The following NTMT1 variants were observed in gnomAD, a reference collection of about 807,000 sequenced individuals.
NTMT1 encodes N-terminal RCC1 methyltransferase.
A neutral mutation model predicts 17.5 loss-of-function variants in NTMT1; 8 were observed. The observed-to-expected ratio is 0.46, with a 90% CI of 0.27 to 0.82. The LOEUF is 0.82. Among genes scored for constraint, NTMT1 ranks in the 40% least tolerant of loss-of-function variants. The pLI, the probability that NTMT1 is intolerant of heterozygous loss-of-function variation, is 0.15. For missense variants in NTMT1, 221 were observed against 303.5 expected, an observed-to-expected ratio of 0.73 and a Z score of 2.02; for synonymous variants, 128 against 126.8, an observed-to-expected ratio of 1.01 and a Z score of -0.06.
chr9:129,631,082 G>A (rs1448851518), intron 1 of NTMT1, among the ~76,000 whole-genome samples: 2 of 152,168 alleles, frequency 1.3e-5, no homozygotes, highest in Non-Finnish European at 2.9e-5. Context: ...GGCCCATGCT[G>A]TCCCACGGCT....
At chr9:129,629,416 T>C (rs1283407565) in intron 1 of NTMT1, among the ~76,000 whole-genome samples, 5 of 151,568 alleles carry the variant, frequency 3.3e-5, no homozygotes, top group Admixed American at 2.0e-4. Context: ...TTTGACACAA[T>C]GTCTCACTCT....
At position 129,634,124 on chromosome 9, in the gene NTMT1, G is replaced by A. The variant is rs780495439; in HGVS notation, c.233G>A (p.Arg78Gln). ...GCTGGCATTGGGAGGATCACCAAGCGGCTGCTCCTGCCGCTGTTCAGAGAG... is the reference window on the plus strand; with the variant it reads ...GCTGGCATTGGGAGGATCACCAAGCAGCTGCTCCTGCCGCTGTTCAGAGAG... ...CGAGIGRITKRLLLPLFREVD... is the reference protein window; with the variant it reads ...CGAGIGRITKQLLLPLFREVD... Residue 78 changes from arginine (R) to glutamine (Q), a missense_variant, in exon 3 of 4, where the codon CGG becomes CAG. Arg to Gln is a conservative substitution (Grantham distance 43). Coordinates refer to ENST00000372483, the MANE Select transcript of NTMT1 (RefSeq NM_014064.4). The A allele has an allele frequency of 1.7e-5, 27 of 1,613,950 alleles. No homozygotes were observed. In the East Asian group the frequency reaches 1.8e-4, roughly 11 times the overall value.
At chr9:129,621,434 G>A (rs542656132), upstream of NTMT1, among the ~76,000 whole-genome samples, 30 of 152,338 alleles carry the variant, frequency 2.0e-4, no homozygotes, top group East Asian at 5.8e-3. Flanking sequence ...ATAGCTCACT[G>A]CAGCCTCAAA....
intron 1 of NTMT1, among the ~76,000 whole-genome samples, chr9:129,627,781 G>C (rs764498270): frequency 4.6e-5 from 7 of 152,234 alleles, no homozygotes; most frequent in Non-Finnish European, 1.0e-4. Context: ...CAAAGATCCA[G>C]GGAGGATGGA....
At position 129,635,578 on chromosome 9, in the gene NTMT1, A is replaced by G. The variant is rs1012436994; in HGVS notation, c.*114A>G. 5.6e-5 allele frequency: 70 copies of G among 1,255,460 alleles called. No homozygotes were observed. The highest frequency in any genetic ancestry group is 7.4e-5 in the Non-Finnish European group (67 of 904,918). The allele number at this position is 1,255,460 out of a possible 1,614,324, so 77.8% of individuals were successfully genotyped here. The stretch of plus-strand genomic sequence containing the variant: ...CGTGAGTGTCGAGGCACCACTAAAT[A>G]TAGCTGTCTGCCGTCCACTCATTAT... On this transcript the variant is annotated 3_prime_UTR_variant, in exon 4 of 4. Transcript: ENST00000372483.
chr9:129,615,791 C>T (rs1177173532), intron 1 of NTMT1: 9 of 954,868 alleles, frequency 9.4e-6, no homozygotes, highest in Non-Finnish European at 5.7e-6. Flanking sequence ...CAGCAGCCGG[C>T]CTTAACGGAG....
upstream of NTMT1, among the ~76,000 whole-genome samples, chr9:129,621,974 G>A (rs1830739103): frequency 6.6e-6 from 1 of 152,196 alleles, no homozygotes; most frequent in African/African-American, 2.4e-5. Flanking sequence ...ATTGTGATCC[G>A]CCCCTCACCC....
At chr9:129,625,188 G>C (rs146049503), upstream of NTMT1, among the ~76,000 whole-genome samples, 13 of 152,288 alleles carry the variant, frequency 8.5e-5, no homozygotes, top group African/African-American at 3.1e-4. Context: ...CATCACCGCT[G>C]CCTCGGAGAT....
intron 3 of NTMT1, 167 bp downstream of exon 3, chr9:129,634,473 C>A: frequency 1.7e-6 from 1 of 602,966 alleles, no homozygotes; most frequent in Non-Finnish European, 2.6e-6. Context: ...GACTGAGGGA[C>A]AGGCTCGGCC....
At chr9:129,631,872 C>T (rs1426297846) in intron 1 of NTMT1, among the ~76,000 whole-genome samples, 2 of 152,200 alleles carry the variant, frequency 1.3e-5, no homozygotes, top group African/African-American at 4.8e-5. Context: ...CTCTGCAGCC[C>T]TCCCTGCAGG....
chr9:129,611,213 G>A (rs1830108247), intron 1 of NTMT1, among the ~76,000 whole-genome samples: 1 of 152,180 alleles, frequency 6.6e-6, no homozygotes, highest in African/African-American at 2.4e-5. Context: ...GCCAGGGTGT[G>A]GATTCCCTGC....
chr9:129,622,210 C>T (rs966997922), upstream of NTMT1, among the ~76,000 whole-genome samples: 2 of 152,136 alleles, frequency 1.3e-5, no homozygotes, highest in Non-Finnish European at 2.9e-5. Flanking sequence ...TGAACAGACC[C>T]TGCGGGGCAC....
At chr9:129,631,142 C>T (rs549039282) in intron 1 of NTMT1, among the ~76,000 whole-genome samples, 1 of 152,370 alleles carries the variant, frequency 6.6e-6, no homozygotes, top group East Asian at 1.9e-4. Context: ...GCTTGGCTGC[C>T]CAGCTCGGGC....
Position 129,613,380 on chromosome 9 carries a change from G to A in NTMT1, c.-55+4202G>A. On this transcript the variant is annotated intron_variant, in intron 1 of 3. Transcript: ENST00000372486. This position sits in a 1 kb window ranked among gnomAD's most constrained non-coding sequence, Gnocchi z 6.2. ...GGGTGGGGAGGTCTGTAGGCAAGGG[G>A]GGTGGAGGGCCCTGGCAATGTCCAC... The A allele has an allele frequency of 6.3e-7, 1 of 1,597,824 alleles. No homozygotes were observed. The highest frequency in any genetic ancestry group is 1.7e-5 in the Admixed American group (1 of 59,054).
At chr9:129,624,536 C>T (rs1288344801), upstream of NTMT1, among the ~76,000 whole-genome samples, 1 of 152,186 alleles carries the variant, frequency 6.6e-6, no homozygotes, top group Non-Finnish European at 1.5e-5. Flanking sequence ...TTTAGCATCC[C>T]CTTTCTACCG....
In NTMT1 at chr9:129,620,001, G is replaced by A. The variant is rs1308275817; in HGVS notation, c.-55+10823G>A. On this transcript the variant is annotated intron_variant, in intron 1 of 3. Transcript: ENST00000372486. This position sits in a 1 kb window ranked among gnomAD's most constrained non-coding sequence, Gnocchi z 5.8. ...TGGGTGGTGGGGTGGTGGGTGCGGG[G>A]ACACAAGGGACCACCCCCCACCGGA... The A allele has an allele frequency of 3.4e-6, 5 of 1,468,412 alleles. No individual in the cohort carries two copies. The highest frequency in any genetic ancestry group is 4.6e-6 in the Non-Finnish European group (5 of 1,098,622). The allele number at this position is 1,468,412 out of a possible 1,614,324, so 91.0% of individuals were successfully genotyped here. A position where few individuals can be genotyped will look rare whatever the true frequency, so the allele number is the denominator to read the frequency against.
chr9:129,628,105 TG>T (rs372868548), intron 1 of NTMT1, among the ~76,000 whole-genome samples: 244 of 152,342 alleles, frequency 1.6e-3, no homozygotes, highest in African/African-American at 5.7e-3. Flanking sequence ...CGTGTGCTCC[TG>T]GCCCCCTCCC....
chr9:129,612,341 G>A (rs369285736), intron 1 of NTMT1: 22 of 1,611,666 alleles, frequency 1.4e-5, no homozygotes, highest in Non-Finnish European at 1.7e-5. Flanking sequence ...TTGGGTTCGC[G>A]AGTGTTCACC....
At chr9:129,615,492 C>G (rs768796730) in intron 1 of NTMT1, 6 of 1,596,786 alleles carry the variant, frequency 3.8e-6, no homozygotes, top group South Asian at 1.1e-5. Flanking sequence ...ACCTGAGCGT[C>G]TGCGCTCCCA....
Sources: allele counts gnomAD v4.1 joint callset (sites outside exome capture counted in the v4.1 genomes callset), GRCh38; gene constraint gnomAD v4.1.1; non-coding constraint Gnocchi (gnomAD v3.1); transcripts MANE v1.5; gene names NCBI Gene and HGNC (gene_info 2026-07-23, HGNC 2026-07-21).